Variants in BIRC6 observed in about 807,000 individuals in gnomAD.
The protein encoded by BIRC6 is baculoviral IAP repeat containing 6.
In BIRC6, 98 loss-of-function variants were observed where a neutral mutation model predicts 503.3. That is an observed-to-expected ratio of 0.19 (90% CI 0.17 to 0.23). The LOEUF (loss-of-function observed/expected upper bound fraction) is 0.23. Ranked by LOEUF, BIRC6 falls within the 10% of genes least tolerant of loss-of-function variation. The pLI is 1.00. For missense variants in BIRC6, 5,360 were observed against 5,806.0 expected (o/e 0.92, Z 2.50); for synonymous variants, 2,240 against 2,078.7 (o/e 1.08, Z -2.11).
In BIRC6 at chr2:32,499,827, C is replaced by A. The variant is rs1334165230; in HGVS notation, c.8749C>A (p.Gln2917Lys). ...AGTTTGTGGCGAAATGACAAGAGAT[C>A]AACTCATGTTTGATTTGTTAAAACT... ...KAVCGEMTRDQLMFDLLKLVN... is the reference protein window; with the variant it reads ...KAVCGEMTRDKLMFDLLKLVN... The change falls in exon 46 of 74, where the codon CAA (glutamine) becomes AAA (lysine). Residue 2917 changes from glutamine to lysine, a missense_variant. Around this residue, in one of 16 missense-constraint regions of BIRC6, gnomAD observed 2,299 missense variants for 2,267.2 expected, o/e 1.01. Transcript: ENST00000421745. 6.2e-7 allele frequency: 1 copy of A among 1,614,012 alleles called. No homozygotes were observed. The highest frequency in any genetic ancestry group is 1.6e-4 in the Middle Eastern group (1 of 6,062).
At chr2:32,484,222 AAACTAT>A (rs2050729227) in intron 39 of BIRC6, among the ~76,000 whole-genome samples, 2 of 152,116 alleles carry the variant, frequency 1.3e-5, no homozygotes, top group African/African-American at 4.8e-5. Flanking sequence ...TGGTACTCGG[AAACTAT>A]AACTATCCTG....
rs1406763330 is a variant in BIRC6, at chr2:32,447,625, C to G, written c.4485-1170C>G. ...GGGGGCTGATCCCCCCACCTCCCTC[C>G]CGGACGGCGCGGCTGGCCGGGCAGG... On this transcript the variant is annotated intron_variant, in intron 21 of 73. Coordinates refer to ENST00000421745, the MANE Select transcript of BIRC6 (RefSeq NM_016252.4). Among the ~76,000 whole-genome samples, 5 of 124,448 alleles carry G rather than the reference C, an allele frequency of 4.0e-5. No individual in the cohort carries two copies. In the South Asian group the frequency reaches 1.4e-3, roughly 34 times the overall value. 81.6% of individuals were successfully genotyped at this position (124,448 alleles called of 152,430 possible). A position where few individuals can be genotyped will look rare whatever the true frequency, so the allele number is the denominator to read the frequency against.
intron 14 of BIRC6, 45 bp downstream of exon 14, chr2:32,435,630 A>G (rs2044609808): frequency 1.3e-6 from 2 of 1,520,640 alleles, no homozygotes; most frequent in Non-Finnish European, 1.8e-6. Context: ...TAAAAGGAGT[A>G]GTGATCTGAA....
At chr2:32,441,522 A>G in intron 17 of BIRC6, 60 bp downstream of exon 17, 2 of 1,378,690 alleles carry the variant, frequency 1.5e-6, no homozygotes, top group South Asian at 1.6e-5. Context: ...GCATAACACC[A>G]CACACATACA....
intron 19 of BIRC6, 106 bp downstream of exon 19, chr2:32,442,561 A>G (rs2045542005): frequency 8.1e-7 from 1 of 1,231,782 alleles, no homozygotes; most frequent in South Asian, 2.1e-5. Context: ...TGTATGTATA[A>G]TTTAAGAGAA....
intron 40 of BIRC6, 118 bp downstream of exon 40, chr2:32,485,877 A>G: frequency 3.1e-6 from 2 of 645,100 alleles, no homozygotes; most frequent in East Asian, 2.8e-5. Context: ...GAGGGGACTT[A>G]GTATGTAGCA....
chr2:32,507,563 TC>T (rs1422514361), intron 50 of BIRC6, among the ~76,000 whole-genome samples: 1 of 152,228 alleles, frequency 6.6e-6, no homozygotes, highest in Non-Finnish European at 1.5e-5. Flanking sequence ...ATTACATTTT[TC>T]CCCAAATTAT....
At chr2:32,522,648 C>T (rs547372720) in intron 57 of BIRC6, 124 of 152,228 alleles carry the variant, frequency 8.1e-4, no homozygotes, top group African/African-American at 2.9e-3. Context: ...CATTTGACCC[C>T]ACTATTAAGG....
intron 23 of BIRC6, among the ~76,000 whole-genome samples, chr2:32,459,710 A>G (rs910340205): frequency 6.6e-6 from 1 of 151,748 alleles, no homozygotes; most frequent in African/African-American, 2.4e-5. Flanking sequence ...CACTGGTGGT[A>G]TATATTCTAT....
At position 32,468,504 on chromosome 2, in the gene BIRC6, G is replaced by C; in HGVS notation, c.5848G>C (p.Ala1950Pro). The C allele has an allele frequency of 1.2e-6, 2 of 1,613,882 alleles. No homozygotes were observed. The highest frequency in any genetic ancestry group is 1.1e-5 in the South Asian group (1 of 91,066). ...TATTGATCTTCCTCCTCTAAACAGT[G>C]CTAACAATGCACAGTACTTTTTACG... is the stretch of plus-strand genomic sequence containing the variant. The part of the protein sequence containing the change: ...QSIDLPPLNS[A>P]NNAQYFLRKP... The change falls in exon 29 of 74, where the codon GCT becomes CCT. Residue 1950 changes from alanine to proline, a missense_variant. Ala to Pro is a conservative substitution (Grantham distance 27, BLOSUM62 -1). Around this residue, in one of 16 missense-constraint regions of BIRC6, gnomAD observed 2,299 missense variants for 2,267.2 expected, o/e 1.01. Transcript: ENST00000421745.
chr2:32,544,947 T>C (rs1229768710), intron 62 of BIRC6, among the ~76,000 whole-genome samples: 4 of 152,158 alleles, frequency 2.6e-5, no homozygotes, highest in African/African-American at 7.2e-5. Flanking sequence ...ATTTATGTTA[T>C]ACATACGATA....
chr2:32,605,041 C>T (rs1258699025), intron 71 of BIRC6, among the ~76,000 whole-genome samples: 1 of 151,980 alleles, frequency 6.6e-6, no homozygotes, highest in African/African-American at 2.4e-5. Flanking sequence ...CACCACCACA[C>T]CCGGCTAATT....
At chr2:32,433,616 AT>A in intron 12 of BIRC6, 27 bp from the exon 13 acceptor site, 1 of 1,516,632 alleles carries the variant, frequency 6.6e-7, no homozygotes, top group Non-Finnish European at 9.0e-7. Context: ...TTTTTGCTTT[AT>A]TTAGCATTTT....
intron 66 of BIRC6, among the ~76,000 whole-genome samples, chr2:32,588,961 T>A (rs1260313809): frequency 6.6e-6 from 1 of 152,194 alleles, no homozygotes; most frequent in Non-Finnish European, 1.5e-5. Flanking sequence ...TAAGATGAAA[T>A]TAAAATATAG....
Position 32,618,617 on chromosome 2 carries a change from T to C in BIRC6, c.*713T>C, listed in dbSNP as rs1378464794. 6.6e-6 allele frequency: 1 copy of C among 152,662 alleles called. No homozygotes were observed. Among genetic ancestry groups the C allele is most frequent in the Non-Finnish European group, 1.5e-5 (1 of 68,038 alleles). The allele number at this position is 152,662 out of a possible 1,614,324, so 9.5% of individuals were successfully genotyped here. On this transcript the variant is annotated 3_prime_UTR_variant, in exon 74 of 74. Transcript: ENST00000421745. The stretch of plus-strand genomic sequence containing the variant: ...CAACATTTGGGCCTCTGAATGTATC[T>C]GTTATTTGAATTTAAGTATTTGAAA...
At chr2:32,537,359 G>A (rs1476775922) in intron 61 of BIRC6, among the ~76,000 whole-genome samples, 1 of 152,048 alleles carries the variant, frequency 6.6e-6, no homozygotes. Context: ...CACATAGTTG[G>A]AAGTAAAGCA....
chr2:32,364,585 G>A (rs2034607192), intron 1 of BIRC6, among the ~76,000 whole-genome samples: 1 of 151,770 alleles, frequency 6.6e-6, no homozygotes, highest in Non-Finnish European at 1.5e-5. Flanking sequence ...ACATTTCTTT[G>A]TATCTTTTTT....
chr2:32,489,452 T>A (rs925155663), intron 42 of BIRC6, among the ~76,000 whole-genome samples: 2 of 151,636 alleles, frequency 1.3e-5, no homozygotes, highest in African/African-American at 4.8e-5. Context: ...ATAAAATTTG[T>A]TTTCATCTGT....
Position 32,429,132 on chromosome 2 carries a change from T to G in BIRC6, c.2873-14T>G. On this transcript the variant is annotated splice_polypyrimidine_tract_variant and intron_variant, in intron 10 of 73. Transcript: ENST00000421745. ...CCTATTTTTCATGTATCTATGAAAT[T>G]TACTACACTGTAGGTGGTGAGCTTC... 2.1e-5 allele frequency: 33 copies of G among 1,571,328 alleles called. No individual in the cohort carries two copies. Among genetic ancestry groups the G allele is most frequent in the Non-Finnish European group, 2.8e-5 (33 of 1,160,498 alleles).
Sources: gnomAD v4.1 joint callset for allele counts (sites outside exome capture counted in the v4.1 genomes callset) on GRCh38, gnomAD v4.1.1 for gene constraint, gnomAD v4.1.1 regional missense constraint, MANE v1.5 for transcripts, NCBI Gene and HGNC (gene_info 2026-07-23, HGNC 2026-07-21) for gene names.